The following TBK1 variants were observed in gnomAD, a reference collection of about 807,000 sequenced individuals.
TBK1 encodes the protein TANK binding kinase 1.
Under a neutral mutation model 99.9 loss-of-function variants are expected in TBK1, and 37 were observed. That is an observed-to-expected ratio of 0.37 (90% CI 0.28 to 0.49). TBK1 has a LOEUF of 0.49. Ranked by LOEUF, TBK1 falls within the 20% of genes least tolerant of loss-of-function variation. The pLI is 0.98. For synonymous variants in TBK1, 258 were observed against 279.8 expected (o/e 0.92, Z 0.78); for missense variants, 644 against 872.5 (o/e 0.74, Z 3.30).
intron 20 of TBK1, among the ~76,000 whole-genome samples, chr12:64,499,693 C>CTTTTTTTT (rs56725684): frequency 3.4e-4 from 28 of 82,928 alleles, no homozygotes; most frequent in East Asian, 1.3e-3. Flanking sequence ...TAAAGATGTG[C>CTTTTTTTT]TTTTTTTTTT....
rs2040838687 is a variant in TBK1, at chr12:64,488,457, A to T, written c.1341-30A>T. ...AGATAGAAAAAATAACTCCTTAGATAAACTAATTAGAATAATTTTCTTTTT... is the reference window on the plus strand; with the variant it reads ...AGATAGAAAAAATAACTCCTTAGATTAACTAATTAGAATAATTTTCTTTTT... On this transcript the variant is annotated intron_variant, in intron 11 of 20. Transcript: ENST00000331710. 3.6e-6 allele frequency: 5 copies of T among 1,382,106 alleles called. No homozygotes were observed. In the South Asian group the frequency reaches 6.9e-5, roughly 19 times the overall value. 85.6% of individuals were successfully genotyped at this position (1,382,106 alleles called of 1,614,324 possible).
intron 10 of TBK1, 27 bp downstream of exon 10, chr12:64,485,540 A>G (rs1325506817): frequency 2.4e-6 from 3 of 1,225,288 alleles, no homozygotes; most frequent in Non-Finnish European, 3.5e-6. Context: ...ATTACTATGT[A>G]AACATCTGAA....
intron 20 of TBK1, among the ~76,000 whole-genome samples, chr12:64,500,142 A>G (rs1417838918): frequency 6.6e-6 from 1 of 152,228 alleles, no homozygotes; most frequent in Non-Finnish European, 1.5e-5. Flanking sequence ...ACATGGCATA[A>G]TCTTAACGTA....
At chr12:64,469,519 A>T (rs955069418) in intron 5 of TBK1, among the ~76,000 whole-genome samples, 2 of 152,188 alleles carry the variant, frequency 1.3e-5, no homozygotes, top group Non-Finnish European at 2.9e-5. Context: ...TGGCTAGACC[A>T]TGCTTTCTGC....
rs1185647643 is a variant in TBK1 at position 64,456,095 on chromosome 12, A to AT, written c.87+141dup. 2.4e-5 allele frequency: 16 copies of AT among 665,388 alleles called. No homozygotes were observed. In the Admixed American group the frequency reaches 4.8e-4, roughly 20 times the overall value. The allele number at this position is 665,388 out of a possible 1,614,324, so 41.2% of individuals were successfully genotyped here. On this transcript the variant is annotated intron_variant, in intron 2 of 20. Coordinates refer to ENST00000331710, the MANE Select transcript of TBK1 (RefSeq NM_013254.4). ...AATTGTTTTAATGATTTTCGTGGTC[A>AT]TTTAAGGCATAGCTGTGTCAGGCAG...
rs61933205 is a variant in TBK1, at chr12:64,490,384, G to C, written c.1521+265G>C. Among the ~76,000 whole-genome samples, 14,620 of 152,228 alleles carry C rather than the reference G, an allele frequency of 0.096. 850 individuals are homozygous for C. Among genetic ancestry groups the C allele is most frequent in the Middle Eastern group, 0.22 (64 of 294 alleles). On this transcript the variant is annotated intron_variant, in intron 13 of 20. Coordinates refer to ENST00000331710, the MANE Select transcript of TBK1 (RefSeq NM_013254.4). ...ATTTAAATAAATAAACTTTCTTATA[G>C]AGATGATATTTCTCACTGCAGAGAA...
intron 13 of TBK1, among the ~76,000 whole-genome samples, chr12:64,492,189 T>G (rs2040876372): frequency 6.6e-6 from 1 of 152,234 alleles, no homozygotes; most frequent in Non-Finnish European, 1.5e-5. Flanking sequence ...TAGTGGACAT[T>G]TATTTCCAGG....
chr12:64,477,550 T>C (rs1297481398), intron 6 of TBK1, among the ~76,000 whole-genome samples: 20 of 152,244 alleles, frequency 1.3e-4, no homozygotes, highest in Non-Finnish European at 1.5e-5. Context: ...AGGAGTCTTT[T>C]GGCAAAATCT....
chr12:64,472,790 A>G (rs2040675184), intron 5 of TBK1, among the ~76,000 whole-genome samples: 1 of 152,196 alleles, frequency 6.6e-6, no homozygotes, highest in African/African-American at 2.4e-5. Flanking sequence ...CTATTTTAAA[A>G]AAATCACAAA....
At chr12:64,456,329 C>T (rs1383065788) in intron 2 of TBK1, among the ~76,000 whole-genome samples, 1 of 152,044 alleles carries the variant, frequency 6.6e-6, no homozygotes, top group African/African-American at 2.4e-5. Context: ...GGTAGGGAGG[C>T]AGATGTGTAT....
intron 4 of TBK1, 98 bp from the exon 5 acceptor site, chr12:64,466,803 T>G: frequency 5.1e-6 from 5 of 979,380 alleles, no homozygotes; most frequent in Non-Finnish European, 6.9e-6. Context: ...ATGGAAAAAT[T>G]TATATTAAGT....
At chr12:64,455,625 A>G (rs1298840298) in intron 1 of TBK1, among the ~76,000 whole-genome samples, 1 of 152,210 alleles carries the variant, frequency 6.6e-6, no homozygotes, top group African/African-American at 2.4e-5. Context: ...CTTGAATCAT[A>G]ATGGTTCATA....
chr12:64,499,342 G>A (rs1387303762), intron 20 of TBK1, among the ~76,000 whole-genome samples: 2 of 152,016 alleles, frequency 1.3e-5, no homozygotes, highest in Non-Finnish European at 2.9e-5. Context: ...ACCGCACCCG[G>A]CCAATTTTGT....
intron 3 of TBK1, among the ~76,000 whole-genome samples, chr12:64,462,636 G>A (rs2040558965): frequency 6.6e-6 from 1 of 151,068 alleles, no homozygotes; most frequent in Admixed American, 6.6e-5. Context: ...TGAAATGACT[G>A]CCAGAGAGTA....
chr12:64,497,531 GT>G (rs1254728686), intron 18 of TBK1, 116 bp from the exon 19 acceptor site: 7 of 696,226 alleles, frequency 1.0e-5, no homozygotes, highest in South Asian at 7.5e-5. Flanking sequence ...AAAATTTAAA[GT>G]TTTTTTAAAG....
At chr12:64,456,035 T>G (rs2040483909) in intron 2 of TBK1, 78 bp downstream of exon 2, 4 of 1,012,448 alleles carry the variant, frequency 4.0e-6, no homozygotes, top group African/African-American at 1.6e-5. Flanking sequence ...CACTAAAGTG[T>G]GTGACTTGGT....
chr12:64,454,498 C>T (rs1451272285), intron 1 of TBK1, among the ~76,000 whole-genome samples: 3 of 152,084 alleles, frequency 2.0e-5, no homozygotes, highest in Admixed American at 6.5e-5. Context: ...CCGCCCGCCT[C>T]GGCCTCCCAG....
intron 15 of TBK1, 89 bp downstream of exon 15, chr12:64,495,864 G>A: frequency 9.6e-7 from 1 of 1,046,668 alleles, no homozygotes; most frequent in South Asian, 2.0e-5. Context: ...TATCTGTAAG[G>A]GTAGCTTCTT....
intron 8 of TBK1, among the ~76,000 whole-genome samples, chr12:64,483,451 T>C (rs1471031084): frequency 6.6e-6 from 1 of 152,252 alleles, no homozygotes; most frequent in Non-Finnish European, 1.5e-5. Flanking sequence ...CCTAGTTTTA[T>C]TAATGTATTT....
Sources: gnomAD v4.1 joint callset for allele counts (sites outside exome capture counted in the v4.1 genomes callset) on GRCh38, gnomAD v4.1.1 for gene constraint, MANE v1.5 for transcripts, NCBI Gene and HGNC (gene_info 2026-07-23, HGNC 2026-07-21) for gene names.